ARHGAP39: variants seen among roughly 807,000 people sequenced by gnomAD.
ARHGAP39 encodes Rho GTPase activating protein 39.
A neutral mutation model predicts 106.9 loss-of-function variants in ARHGAP39; 44 were observed. The observed-to-expected ratio is 0.41, with a 90% CI of 0.32 to 0.53. The LOEUF is 0.53. Among genes scored for constraint, ARHGAP39 ranks in the 20% least tolerant of loss-of-function variants. The pLI is 0.21. For synonymous variants in ARHGAP39, 768 were observed against 693.2 expected (o/e 1.11, Z -1.69); for missense variants, 1,496 against 1,577.3 (o/e 0.95, Z 0.87).
intron 2 of ARHGAP39, among the ~76,000 whole-genome samples, chr8:144,587,654 CTT>C (rs1182233262): frequency 1.8e-4 from 24 of 136,058 alleles, no homozygotes; most frequent in Admixed American, 3.0e-4. Context: ...GGCAGAGAGA[CTT>C]TTTTTTTTTT....
In ARHGAP39 at chr8:144,585,053, G is replaced by A. The variant is rs1379333489; in HGVS notation, c.81-3776C>T. 2.0e-5 allele frequency among the ~76,000 whole-genome samples: 3 copies of A among 152,076 alleles called. No homozygotes were observed. The highest frequency in any genetic ancestry group is 7.2e-5 in the African/African-American group (3 of 41,416). On this transcript the variant is annotated intron_variant, in intron 2 of 11. Coordinates refer to ENST00000377307, the MANE Select transcript of ARHGAP39 (RefSeq NM_025251.3). This position sits in a 1 kb window ranked among gnomAD's most constrained non-coding sequence, Gnocchi z 4.6. ...GAACCAGGCATCTCAGTGGAACTTT[G>A]GTCTCCACCCAGAGCCAAGGTGTCT... is the stretch of plus-strand genomic sequence containing the variant.
intron 1 of ARHGAP39, among the ~76,000 whole-genome samples, chr8:144,619,020 C>T (rs1820713210): frequency 6.6e-6 from 1 of 152,206 alleles, no homozygotes; most frequent in East Asian, 1.9e-4. Flanking sequence ...AAGGCCACAG[C>T]CCAGCCTGGT....
At chr8:144,531,240 CACAG>C in intron 10 of ARHGAP39, among the ~76,000 whole-genome samples, 1 of 17,732 alleles carries the variant, frequency 5.6e-5, no homozygotes. Flanking sequence ...GGCAGAAGGG[CACAG>C]GGCAGCGAGC....
intron 2 of ARHGAP39, among the ~76,000 whole-genome samples, chr8:144,596,898 C>G (rs1423558113): frequency 1.6e-4 from 24 of 152,212 alleles, no homozygotes; most frequent in Admixed American, 1.4e-3. Context: ...GCCCCACCTT[C>G]CCAACTCTCC....
intron 1 of ARHGAP39, among the ~76,000 whole-genome samples, chr8:144,627,000 G>A (rs1249927762): frequency 6.6e-6 from 1 of 152,240 alleles, no homozygotes; most frequent in Non-Finnish European, 1.5e-5. Context: ...CCCCTGGGGA[G>A]AGGATCCCCC....
intron 2 of ARHGAP39, among the ~76,000 whole-genome samples, chr8:144,601,349 T>C (rs1194843264): frequency 2.9e-5 from 4 of 138,370 alleles, no homozygotes; most frequent in African/African-American, 1.1e-4. Context: ...CGTGTACCTG[T>C]GTGCGTGTGC....
intron 9 of ARHGAP39, 72 bp from the exon 10 acceptor site, chr8:144,532,468 C>G (rs1004190831): frequency 7.3e-7 from 1 of 1,373,828 alleles, no homozygotes; most frequent in East Asian, 2.4e-5. Context: ...CTGGACACTC[C>G]CTCCGGTAGG....
In ARHGAP39 at chr8:144,641,404, G is replaced by A. The variant is rs1821310487; in HGVS notation, c.-81-35709C>T. 1.3e-5 allele frequency among the ~76,000 whole-genome samples: 2 copies of A among 151,832 alleles called. No homozygotes were observed. The highest frequency in any genetic ancestry group is 2.1e-4 in the South Asian group (1 of 4,786). On this transcript the variant is annotated intron_variant, in intron 1 of 11. Transcript: ENST00000377307. The surrounding 1 kb of genome is among the most constrained non-coding windows in gnomAD (Gnocchi z 5.2). ...TGCAGACGCAGGCAGATGATGGGCT[G>A]GTAAAGCGAAGCTGACCACCAAGAC... is the stretch of plus-strand genomic sequence containing the variant.
chr8:144,630,645 A>G (rs1420379222), intron 1 of ARHGAP39, among the ~76,000 whole-genome samples: 4 of 152,192 alleles, frequency 2.6e-5, no homozygotes, highest in Admixed American at 2.6e-4. Flanking sequence ...CAGATGCTAG[A>G]CCCAGAACCC....
intron 1 of ARHGAP39, among the ~76,000 whole-genome samples, chr8:144,682,534 G>C (rs1266280883): frequency 5.9e-5 from 8 of 136,464 alleles, no homozygotes; most frequent in Middle Eastern, 4.7e-3. Context: ...GGGCAACAGA[G>C]CAAGACTCTG....
At chr8:144,536,562 G>A (rs1220573936) in intron 7 of ARHGAP39, among the ~76,000 whole-genome samples, 1 of 152,216 alleles carries the variant, frequency 6.6e-6, no homozygotes, top group Non-Finnish European at 1.5e-5. Context: ...TGCCCCAGAT[G>A]GAGTGGTCTG....
At position 144,576,969 on chromosome 8, in the gene ARHGAP39, C is replaced by G. The variant is rs544186752; in HGVS notation, c.512+3877G>C. ...AGCAAACCAACAGGTTTGTTTTTCA[C>G]TTATGCCATTTAAACCATAAACCAG... On this transcript the variant is annotated intron_variant, in intron 3 of 11. Coordinates refer to ENST00000377307, the MANE Select transcript of ARHGAP39 (RefSeq NM_025251.3). 2.0e-5 allele frequency among the ~76,000 whole-genome samples: 3 copies of G among 152,318 alleles called. No individual in the cohort carries two copies. The South Asian group carries it at 6.2e-4, about 32-fold the overall frequency.
chr8:144,673,742 C>T (rs61422362), intron 1 of ARHGAP39, among the ~76,000 whole-genome samples: 264 of 152,356 alleles, frequency 1.7e-3, no homozygotes, highest in African/African-American at 6.0e-3. Flanking sequence ...GGCCGGCAGA[C>T]TGCTCTCAGC....
chr8:144,533,134 G>A lies in ARHGAP39; in HGVS notation c.2880C>T (p.Gly960=). 6.3e-7 allele frequency: 1 copy of A among 1,599,568 alleles called. No homozygotes were observed. Among genetic ancestry groups the A allele is most frequent in the Non-Finnish European group, 8.5e-7 (1 of 1,173,690 alleles). Residue 960 remains glycine (G), a synonymous_variant, in exon 9 of 12, where the codon GGC becomes GGT. Coordinates refer to ENST00000377307, the MANE Select transcript of ARHGAP39 (RefSeq NM_025251.3). ...VLALNGDQTE[G]IFRVPGDIDE... Reference sequence around the variant, plus strand: ...CGGGGTTGCCGTGGCACCTGAAGATGCCCTCTGTCTGGTCACCGTTGAGCG... The same window carrying A: ...CGGGGTTGCCGTGGCACCTGAAGATACCCTCTGTCTGGTCACCGTTGAGCG...
chr8:144,580,983 C>A lies in ARHGAP39; in HGVS notation c.375G>T (p.Gly125=). 6.3e-7 allele frequency: 1 copy of A among 1,598,284 alleles called. No individual in the cohort carries two copies. The highest frequency in any genetic ancestry group is 2.3e-5 in the East Asian group (1 of 44,096). Residue 125 remains glycine, a synonymous_variant, in exon 3 of 12, where the codon GGG becomes GGT. Coordinates refer to ENST00000377307, the MANE Select transcript of ARHGAP39 (RefSeq NM_025251.3). ...SPRASAESSP[G]RGSSVSREGS... The stretch of plus-strand genomic sequence containing the variant: ...CCTCACGGCTGACGCTGCTGCCGCG[C>A]CCGGGGCTGCTCTCCGCCGAGGCGC...
At position 144,582,699 on chromosome 8, in the gene ARHGAP39, G is replaced by T. The variant is rs190520734; in HGVS notation, c.81-1422C>A. ...GGTCTGGCTGCAGGAGGAGGATGAG[G>T]CGGGTGGGACTGGGCCTGAGTGCAG... On this transcript the variant is annotated intron_variant, in intron 2 of 11. Coordinates refer to ENST00000377307, the MANE Select transcript of ARHGAP39 (RefSeq NM_025251.3). Among the ~76,000 whole-genome samples, 308 of 152,308 alleles carry T rather than the reference G, an allele frequency of 2.0e-3. 3 individuals are homozygous for T. The highest frequency in any genetic ancestry group is 0.018 in the Admixed American group (281 of 15,302).
intron 1 of ARHGAP39, among the ~76,000 whole-genome samples, chr8:144,678,426 G>A (rs73377701): frequency 0.034 from 5,248 of 152,244 alleles, 240 homozygotes; most frequent in East Asian, 0.13. Flanking sequence ...AGCGATCCAG[G>A]AGGCGCTCCC....
chr8:144,599,921 C>G (rs972747707), intron 2 of ARHGAP39, among the ~76,000 whole-genome samples: 4 of 152,188 alleles, frequency 2.6e-5, no homozygotes, highest in African/African-American at 9.7e-5. Flanking sequence ...CACTGGTGTT[C>G]TTGGGAGCCA....
rs964056016 is a variant in ARHGAP39 at position 144,644,655 on chromosome 8, T to C, written c.-81-38960A>G. Among the ~76,000 whole-genome samples the C allele has an allele frequency of 2.0e-5, 3 of 152,194 alleles. No homozygotes were observed. The highest frequency in any genetic ancestry group is 2.4e-5 in the African/African-American group (1 of 41,442). On this transcript the variant is annotated intron_variant, in intron 1 of 11. Transcript: ENST00000377307. This position sits in a 1 kb window ranked among gnomAD's most constrained non-coding sequence, Gnocchi z 4.8. The stretch of plus-strand genomic sequence containing the variant: ...TCACTTGAAGCGGCATCCGAGGCCT[T>C]CTCTCACTACAGGCCCTTGGGAGCA...
Sources: allele counts gnomAD v4.1 joint callset (sites outside exome capture counted in the v4.1 genomes callset), GRCh38; gene constraint gnomAD v4.1.1; non-coding constraint Gnocchi (gnomAD v3.1); transcripts MANE v1.5; gene names NCBI Gene and HGNC (gene_info 2026-07-23, HGNC 2026-07-21).